Variants in GTF3C2 observed in about 807,000 individuals in gnomAD.
GTF3C2 encodes general transcription factor 3C polypeptide 2.
A neutral mutation model predicts 117.4 loss-of-function variants in GTF3C2; 17 were observed. The ratio of observed to expected loss-of-function variants is 0.14; its 90% confidence interval spans 0.10 to 0.22. GTF3C2 has a LOEUF of 0.22. GTF3C2 is among the 10% of genes least tolerant of loss of function. The pLI is 1.00. For synonymous variants in GTF3C2, 437 were observed against 427.0 expected, an observed-to-expected ratio of 1.02 and a Z score of -0.29; for missense variants, 888 against 1,143.6, an observed-to-expected ratio of 0.78 and a Z score of 3.22.
In GTF3C2 at chr2:27,329,624, G is replaced by T; in HGVS notation, c.1733-101C>A. ...CTAGGACCTTTGTCTTCTACCCTCA[G>T]ATCCAAACCACTATGAAAGGATGTG... On this transcript the variant is annotated intron_variant, in intron 12 of 18. Coordinates refer to ENST00000264720, the Ensembl canonical transcript of GTF3C2. The surrounding 1 kb of genome is among the most constrained non-coding windows in gnomAD (Gnocchi z 4.5). The T allele has an allele frequency of 9.2e-7, 1 of 1,087,806 alleles. No individual in the cohort carries two copies. The highest frequency in any genetic ancestry group is 1.4e-6 in the Non-Finnish European group (1 of 738,528). 67.4% of individuals were successfully genotyped at this position (1,087,806 alleles called of 1,614,324 possible). A position where few individuals can be genotyped will look rare whatever the true frequency, so the allele number is the denominator to read the frequency against.
At chr2:27,337,990 G>A (rs946722036) in exon 5 of GTF3C2, 1 of 1,611,854 alleles carries the variant, frequency 6.2e-7, no homozygotes, top group South Asian at 1.1e-5. Flanking sequence ...AAGCCATTGG[G>A]AGCCATTCCT....
intron 1 of GTF3C2, among the ~76,000 whole-genome samples, chr2:27,354,040 G>C (rs1364367286): frequency 2.0e-5 from 2 of 100,960 alleles, no homozygotes; most frequent in Non-Finnish European, 3.9e-5. Context: ...TATGTATAAA[G>C]ACAAAGCAAA....
intron 1 of GTF3C2, among the ~76,000 whole-genome samples, chr2:27,348,632 C>T (rs1185143928): frequency 1.3e-5 from 2 of 151,370 alleles, no homozygotes; most frequent in African/African-American, 2.4e-5. Flanking sequence ...AGCGAAACCC[C>T]ATCTCTAGTA....
At chr2:27,339,212 G>A (rs912867738) in intron 4 of GTF3C2, among the ~76,000 whole-genome samples, 1 of 151,800 alleles carries the variant, frequency 6.6e-6, no homozygotes, top group Admixed American at 6.6e-5. Context: ...TTCGAGACCA[G>A]CCTAACCAAC....
Position 27,343,148 on chromosome 2 carries a change from C to A in GTF3C2, c.248-1G>T. ...ACCTTTGACATCTCTGAAGAAAGAT[C>A]TGTGGAGAAGAATATGGGTCTGTGA... On this transcript the variant is annotated splice_acceptor_variant, in intron 2 of 18. Transcript: ENST00000264720. LOFTEE classifies it high-confidence loss of function. 6.4e-7 allele frequency: 1 copy of A among 1,565,392 alleles called. No individual in the cohort carries two copies. The highest frequency in any genetic ancestry group is 8.6e-7 in the Non-Finnish European group (1 of 1,157,602).
intron 4 of GTF3C2, 46 bp from the exon 5 acceptor site, chr2:27,338,066 T>C (rs549332640): frequency 2.5e-6 from 3 of 1,177,140 alleles, no homozygotes; most frequent in South Asian, 1.2e-5. Flanking sequence ...ATTCTACAGG[T>C]TGGACAAAGT....
At chr2:27,340,039 C>G (rs548565487) in intron 4 of GTF3C2, 18 of 151,678 alleles carry the variant, frequency 1.2e-4, no homozygotes, top group African/African-American at 4.4e-4. Flanking sequence ...AACTTCTCCC[C>G]TCCCCACCTT....
chr2:27,329,417 G>C lies in GTF3C2; in HGVS notation c.1839C>G (p.Asp613Glu). ...ACCATTGAAGGGTACGCACAGCCTG[G>C]TCATGGGCTAGGAAACACTGGAAGG... is the stretch of plus-strand genomic sequence containing the variant. Residue 613 changes from aspartate (D) to glutamate (E), a missense_variant, in exon 13 of 19, where the codon GAC (aspartate) becomes GAG (glutamate). Asp to Glu is a conservative substitution (Grantham distance 45). Coordinates refer to ENST00000264720, the Ensembl canonical transcript of GTF3C2. The surrounding 1 kb of genome is among the most constrained non-coding windows in gnomAD (Gnocchi z 4.5). The C allele has an allele frequency of 6.2e-7, 1 of 1,614,140 alleles. No individual in the cohort carries two copies. Among genetic ancestry groups the C allele is most frequent in the South Asian group, 1.1e-5 (1 of 91,074 alleles).
chr2:27,353,332 A>C (rs543410696), intron 1 of GTF3C2, among the ~76,000 whole-genome samples: 5 of 151,312 alleles, frequency 3.3e-5, no homozygotes, highest in East Asian at 2.0e-4. Context: ...GCAGTGAGCC[A>C]AGATTGCACC....
rs1680192517 is a variant in GTF3C2 at position 27,329,100 on chromosome 2, C to A, written c.2039+21G>T. On this transcript the variant is annotated intron_variant, in intron 14 of 18. Coordinates refer to ENST00000264720, the Ensembl canonical transcript of GTF3C2. This position sits in a 1 kb window ranked among gnomAD's most constrained non-coding sequence, Gnocchi z 4.5. ...ACCCTTAGGGCCTGTCCCTAGAGGT[C>A]CTATCTCCATCTTGCCGTACGAGGC... 3.7e-6 allele frequency: 6 copies of A among 1,613,110 alleles called. No individual in the cohort carries two copies. In the Admixed American group the frequency reaches 8.3e-5, roughly 22 times the overall value.
intron 1 of GTF3C2, among the ~76,000 whole-genome samples, chr2:27,346,365 T>TTTTTTTC (rs1680917762): frequency 2.6e-5 from 2 of 76,836 alleles, no homozygotes; most frequent in Non-Finnish European, 4.8e-5. Flanking sequence ...TTTTTTTTTT[T>TTTTTTTC]TTTTGAGACA....
intron 12 of GTF3C2, among the ~76,000 whole-genome samples, chr2:27,332,220 T>C (rs953958422): frequency 6.6e-6 from 1 of 152,086 alleles, no homozygotes; most frequent in African/African-American, 2.4e-5. Flanking sequence ...GGTTTCACCA[T>C]GTGGCCCAGT....
At chr2:27,343,093 C>A (rs369771370) in exon 3 of GTF3C2, 4 of 1,610,318 alleles carry the variant, frequency 2.5e-6, no homozygotes, top group Non-Finnish European at 2.5e-6. Flanking sequence ...ACCTCTCTTC[C>A]GGCCAGGCTT....
At chr2:27,341,911 C>T (rs1042281499) in intron 4 of GTF3C2, 37 bp downstream of exon 4, 33 of 1,573,384 alleles carry the variant, frequency 2.1e-5, no homozygotes, top group Non-Finnish European at 2.4e-5. Context: ...TAAAATCCTA[C>T]TATGTCCCCA....
At chr2:27,326,729 G>T (rs377223288) in exon 19 of GTF3C2, 19 of 1,613,960 alleles carry the variant, frequency 1.2e-5, no homozygotes, top group African/African-American at 8.0e-5. Context: ...GCCGTCTAGT[G>T]GGGGAGGATG....
intron 6 of GTF3C2, 22 bp from the exon 7 acceptor site, chr2:27,337,364 A>G (rs1359589891): frequency 4.5e-6 from 7 of 1,557,698 alleles, no homozygotes. Flanking sequence ...CAAAGGGAAC[A>G]GTCTAAATTT....
chr2:27,332,704 G>A (rs576710603), intron 12 of GTF3C2, among the ~76,000 whole-genome samples: 6 of 151,636 alleles, frequency 4.0e-5, no homozygotes, highest in South Asian at 2.1e-4. Flanking sequence ...GTGAGCCACC[G>A]TGCCCGGCCT....
At chr2:27,337,482 G>A in exon 6 of GTF3C2, 1 of 1,603,118 alleles carries the variant, frequency 6.2e-7, no homozygotes, top group Non-Finnish European at 8.5e-7. Context: ...TCAACTTACA[G>A]CTCAGATAAC....
intron 10 of GTF3C2, 188 bp downstream of exon 10, chr2:27,335,410 A>G (rs909358552): frequency 2.3e-4 from 161 of 710,444 alleles, no homozygotes; most frequent in Admixed American, 4.8e-4. Context: ...GAAAGAGTAC[A>G]GCTGTAAGAC....
Sources: allele counts gnomAD v4.1 joint callset (sites outside exome capture counted in the v4.1 genomes callset), GRCh38; gene constraint gnomAD v4.1.1; non-coding constraint Gnocchi (gnomAD v3.1); transcripts MANE v1.5; gene names NCBI Gene and HGNC (gene_info 2026-07-23, HGNC 2026-07-21).